Variants in STPG2 observed in about 807,000 individuals in gnomAD.
STPG2 encodes sperm tail PG-rich repeat containing 2, also known as sperm-tail PG-rich repeat-containing protein 2.
A neutral mutation model predicts 54.2 loss-of-function variants in STPG2; 56 were observed. The observed-to-expected ratio is 1.03, with a 90% confidence interval of 0.83 to 1.29. The LOEUF is 1.29. Among genes scored for constraint, STPG2 ranks in the 50% most tolerant of loss-of-function variants. STPG2 has a pLI of 0.00. For missense variants in STPG2, 596 were observed against 544.9 expected (o/e 1.09, Z -0.93); for synonymous variants, 200 against 181.8 (o/e 1.10, Z -0.81).
intron 4 of STPG2, among the ~76,000 whole-genome samples, chr4:97,552,472 A>C (rs565160770): frequency 1.3e-5 from 2 of 152,228 alleles, no homozygotes; most frequent in African/African-American, 4.8e-5. Context: ...TGTTTTCATC[A>C]GGTTTAATTC....
chr4:98,098,284 C>T (rs916851505), intron 5 of STPG2, among the ~76,000 whole-genome samples: 7 of 151,828 alleles, frequency 4.6e-5, no homozygotes, highest in East Asian at 1.9e-4. Flanking sequence ...TGTACACTAA[C>T]GAAACAGAAT....
At chr4:97,905,180 G>GA (rs887142137) in intron 8 of STPG2, among the ~76,000 whole-genome samples, 2 of 151,430 alleles carry the variant, frequency 1.3e-5, no homozygotes, top group African/African-American at 4.9e-5. Flanking sequence ...TGAAATGAAG[G>GA]AAAAAATGTT....
At chr4:97,841,693 A>G (rs1414735111) in intron 8 of STPG2, among the ~76,000 whole-genome samples, 1 of 151,784 alleles carries the variant, frequency 6.6e-6, no homozygotes, top group Non-Finnish European at 1.5e-5. Flanking sequence ...TGTTATGGCT[A>G]AGCATGTGGA....
At chr4:97,765,725 TACAA>T (rs1340198383) in intron 9 of STPG2, among the ~76,000 whole-genome samples, 7 of 152,176 alleles carry the variant, frequency 4.6e-5, no homozygotes, top group Non-Finnish European at 7.4e-5. Flanking sequence ...GACTAATGCA[TACAA>T]ACAAACTAAT....
At chr4:97,788,113 GTACAA>G (rs1419640095) in intron 9 of STPG2, among the ~76,000 whole-genome samples, 1 of 151,788 alleles carries the variant, frequency 6.6e-6, no homozygotes, top group Non-Finnish European at 1.5e-5. Context: ...TTTTAAAAGT[GTACAA>G]TACATTATTG....
intron 8 of STPG2, among the ~76,000 whole-genome samples, chr4:97,941,782 T>C (rs962977318): frequency 2.0e-5 from 3 of 152,016 alleles, no homozygotes; most frequent in Admixed American, 2.0e-4. Flanking sequence ...TATTTTGAGA[T>C]CAATAATTTG....
intron 5 of STPG2, among the ~76,000 whole-genome samples, chr4:98,026,951 A>G (rs971440071): frequency 6.6e-6 from 1 of 152,204 alleles, no homozygotes; most frequent in Non-Finnish European, 1.5e-5. Flanking sequence ...CATTCACATT[A>G]TTGGTGTGCT....
At chr4:97,781,250 T>G (rs1726599795) in intron 9 of STPG2, among the ~76,000 whole-genome samples, 1 of 151,984 alleles carries the variant, frequency 6.6e-6, no homozygotes, top group Non-Finnish European at 1.5e-5. Flanking sequence ...AAAGGAGATA[T>G]CACCACTGAT....
chr4:97,835,541 G>A (rs978049643), intron 9 of STPG2, among the ~76,000 whole-genome samples: 3 of 152,062 alleles, frequency 2.0e-5, no homozygotes, highest in Admixed American at 6.6e-5. Context: ...AGCTCTGATG[G>A]AGATGCACAA....
chr4:97,508,411 A>G (rs1168932520), intron 4 of STPG2, among the ~76,000 whole-genome samples: 8 of 152,128 alleles, frequency 5.3e-5, no homozygotes, highest in African/African-American at 1.7e-4. Flanking sequence ...AAATATGGTT[A>G]TTCACTATCT....
Position 97,447,710 on chromosome 4 carries a change from AG to A in STPG2, c.463-259878del, listed in dbSNP as rs1729260910. ...TTGGGAACCTCTGCCTAGATTTCAG[AG>A]GATGTATGGAAATGCCTGGATGTCC... On this transcript the variant is annotated intron_variant, in intron 4 of 4. Coordinates refer to the STPG2 transcript ENST00000522676. Among the ~76,000 whole-genome samples, 3 of 152,318 alleles carry A rather than the reference AG, an allele frequency of 2.0e-5. No individual in the cohort carries two copies. The South Asian group carries it at 6.2e-4, about 32-fold the overall frequency.
intron 10 of STPG2, among the ~76,000 whole-genome samples, chr4:97,665,821 G>A (rs1722505016): frequency 6.6e-6 from 1 of 152,156 alleles, no homozygotes; most frequent in South Asian, 2.1e-4. Context: ...AAGGGGCTGA[G>A]GTGCCAGGGG....
intron 8 of STPG2, among the ~76,000 whole-genome samples, chr4:97,908,117 C>T (rs1289747111): frequency 5.3e-5 from 8 of 150,992 alleles, no homozygotes; most frequent in Non-Finnish European, 8.9e-5. Flanking sequence ...GCAACCTACT[C>T]ATCTGACAAA....
At chr4:97,811,497 G>A (rs1727740173) in intron 9 of STPG2, among the ~76,000 whole-genome samples, 1 of 151,440 alleles carries the variant, frequency 6.6e-6, no homozygotes, top group Non-Finnish European at 1.5e-5. Context: ...TAGTTCCATT[G>A]TCATTTCTAA....
chr4:97,973,840 G>A (rs1734416895), intron 6 of STPG2, among the ~76,000 whole-genome samples: 1 of 152,190 alleles, frequency 6.6e-6, no homozygotes, highest in Non-Finnish European at 1.5e-5. Context: ...CAGGGGTGGG[G>A]CCTTTATGGA....
intron 10 of STPG2, among the ~76,000 whole-genome samples, chr4:97,651,747 A>G (rs1172093579): frequency 6.6e-6 from 1 of 152,010 alleles, no homozygotes; most frequent in African/African-American, 2.4e-5. Flanking sequence ...AGTTAAGAGC[A>G]AACTGATGAA....
At chr4:97,650,970 C>T (rs1722049008) in intron 10 of STPG2, among the ~76,000 whole-genome samples, 1 of 151,872 alleles carries the variant, frequency 6.6e-6, no homozygotes, top group African/African-American at 2.4e-5. Context: ...CTTTGTAGGG[C>T]ATGGCTCCCC....
In STPG2 at chr4:97,929,856, C is replaced by A. The variant is rs113452574; in HGVS notation, c.1044+14041G>T. Among the ~76,000 whole-genome samples the A allele has an allele frequency of 4.3e-3, 655 of 152,218 alleles. 2 individuals carry two copies. Among genetic ancestry groups the A allele is most frequent in the Middle Eastern group, 0.02 (6 of 294 alleles). On this transcript the variant is annotated intron_variant, in intron 8 of 10. Coordinates refer to ENST00000295268, the MANE Select transcript of STPG2 (RefSeq NM_174952.3). The stretch of plus-strand genomic sequence containing the variant: ...CTCACTCTGTTGATAGTTTCCTTTA[C>A]TGTGGAGCTCTTAAGTTTAATCAAA...
chr4:97,805,371 C>A (rs1340845528), intron 9 of STPG2, among the ~76,000 whole-genome samples: 3 of 152,032 alleles, frequency 2.0e-5, no homozygotes, highest in African/African-American at 7.2e-5. Flanking sequence ...CCACACCCTG[C>A]TAATTTTTCT....
Sources: gnomAD v4.1 joint callset for allele counts (sites outside exome capture counted in the v4.1 genomes callset) on GRCh38, gnomAD v4.1.1 for gene constraint, MANE v1.5 for transcripts, NCBI Gene and HGNC (gene_info 2026-07-23, HGNC 2026-07-21) for gene names.